NEGR1: variants seen among roughly 807,000 people sequenced by gnomAD.
NEGR1 encodes neuronal growth regulator 1, also known as IgLON family member 4.
NEGR1 carries 10 observed loss-of-function variants against 40.9 expected under a neutral mutation model. The observed-to-expected ratio is 0.24, with a 90% CI of 0.15 to 0.42. The LOEUF (loss-of-function observed/expected upper bound fraction) is 0.42. Ranked by LOEUF, NEGR1 falls within the 10% of genes least tolerant of loss-of-function variation. The pLI, the probability that NEGR1 is intolerant of heterozygous loss-of-function variation, is 1.00. For synonymous variants in NEGR1, 185 were observed against 166.8 expected, an observed-to-expected ratio of 1.11 and a Z score of -0.84; for missense variants, 352 against 438.9, an observed-to-expected ratio of 0.80 and a Z score of 1.77.
At chr1:71,799,428 T>C (rs1657472365) in intron 2 of NEGR1, among the ~76,000 whole-genome samples, 2 of 152,254 alleles carry the variant, frequency 1.3e-5, no homozygotes, top group Admixed American at 1.3e-4. Flanking sequence ...CCACATTTTC[T>C]TTATCCAGTC....
chr1:72,047,796 C>G (rs1475599199), intron 1 of NEGR1, among the ~76,000 whole-genome samples: 1 of 151,372 alleles, frequency 6.6e-6, no homozygotes, highest in East Asian at 1.9e-4. Context: ...TCCTAATAAG[C>G]ATTTGGTTTA....
chr1:71,921,416 A>T (rs999030861), intron 2 of NEGR1, among the ~76,000 whole-genome samples: 1 of 151,920 alleles, frequency 6.6e-6, no homozygotes, highest in Non-Finnish European at 1.5e-5. Flanking sequence ...GTACACTTGG[A>T]TTTTCTTTCA....
chr1:71,991,434 T>G (rs549119234), intron 1 of NEGR1, among the ~76,000 whole-genome samples: 2 of 152,316 alleles, frequency 1.3e-5, no homozygotes, highest in African/African-American at 4.8e-5. Context: ...AAAACACATT[T>G]ACATTTTAAA....
intron 1 of NEGR1, among the ~76,000 whole-genome samples, chr1:72,222,461 C>T (rs1267734116): frequency 3.3e-5 from 5 of 152,122 alleles, no homozygotes; most frequent in African/African-American, 1.2e-4. Context: ...AGATTAAAAA[C>T]AATCAGAGTA....
At chr1:71,700,840 G>A (rs955268327) in intron 3 of NEGR1, among the ~76,000 whole-genome samples, 24 of 152,000 alleles carry the variant, frequency 1.6e-4, no homozygotes, top group African/African-American at 5.8e-4. Context: ...GGAGAGTTCT[G>A]GGAGGGACAA....
intron 2 of NEGR1, among the ~76,000 whole-genome samples, chr1:71,919,597 TAC>T (rs1553121322): frequency 2.0e-5 from 3 of 151,736 alleles, no homozygotes; most frequent in Non-Finnish European, 4.4e-5. Flanking sequence ...ATTTTGCATA[TAC>T]TCTCGTTGAT....
intron 4 of NEGR1, among the ~76,000 whole-genome samples, chr1:71,697,593 C>T (rs2101628445): frequency 6.6e-6 from 1 of 151,906 alleles, no homozygotes; most frequent in South Asian, 2.1e-4. Flanking sequence ...CACACTTCAG[C>T]TCTTTTCTTT....
intron 4 of NEGR1, among the ~76,000 whole-genome samples, chr1:71,677,626 T>C (rs2101606641): frequency 6.6e-6 from 1 of 152,314 alleles, no homozygotes; most frequent in South Asian, 2.1e-4. Flanking sequence ...TTCATTAATT[T>C]AGGCTTTGAC....
intron 1 of NEGR1, among the ~76,000 whole-genome samples, chr1:72,012,099 T>G (rs1305521205): frequency 1.3e-5 from 2 of 152,112 alleles, no homozygotes; most frequent in Non-Finnish European, 2.9e-5. Flanking sequence ...AATAAGTATA[T>G]GAAATTATTG....
At chr1:72,023,851 C>T (rs1646781792) in intron 1 of NEGR1, among the ~76,000 whole-genome samples, 1 of 151,928 alleles carries the variant, frequency 6.6e-6, no homozygotes, top group Non-Finnish European at 1.5e-5. Flanking sequence ...TTATATTCTC[C>T]TATCAAATTA....
chr1:71,538,987 G>A (rs1184561423), intron 6 of NEGR1, among the ~76,000 whole-genome samples: 1 of 151,658 alleles, frequency 6.6e-6, no homozygotes, highest in African/African-American at 2.4e-5. Context: ...GGTTACTTTT[G>A]TTTCCATCAC....
chr1:71,541,937 C>T (rs1434078304), intron 6 of NEGR1, among the ~76,000 whole-genome samples: 5 of 151,684 alleles, frequency 3.3e-5, no homozygotes, highest in African/African-American at 1.2e-4. Context: ...TTCAATGCAC[C>T]TTTGAGTGTA....
At chr1:72,254,428 C>T (rs1013360136) in intron 1 of NEGR1, among the ~76,000 whole-genome samples, 2 of 152,046 alleles carry the variant, frequency 1.3e-5, no homozygotes, top group Admixed American at 1.3e-4. Context: ...TTAGGCCAGG[C>T]GTGGTGGCTC....
At chr1:71,624,698 G>A (rs905367182) in intron 4 of NEGR1, among the ~76,000 whole-genome samples, 1 of 151,700 alleles carries the variant, frequency 6.6e-6, no homozygotes, top group South Asian at 2.1e-4. Flanking sequence ...ATATTGACAT[G>A]TCGTGCTTAC....
At chr1:72,013,905 A>G (rs1014902808) in intron 1 of NEGR1, among the ~76,000 whole-genome samples, 1 of 150,692 alleles carries the variant, frequency 6.6e-6, no homozygotes, top group Non-Finnish European at 1.5e-5. Flanking sequence ...TTACCTAAGA[A>G]ATCATTTAAG....
chr1:72,261,413 G>A (rs989596659), intron 1 of NEGR1, among the ~76,000 whole-genome samples: 1 of 151,778 alleles, frequency 6.6e-6, no homozygotes, highest in African/African-American at 2.4e-5. Context: ...CAGAACACTG[G>A]TTTAAAGAAA....
At chr1:72,056,781 T>C (rs1647114428) in intron 1 of NEGR1, among the ~76,000 whole-genome samples, 1 of 151,542 alleles carries the variant, frequency 6.6e-6, no homozygotes, top group Non-Finnish European at 1.5e-5. Context: ...TAATAGAACA[T>C]GAAAGTTTTG....
intron 6 of NEGR1, among the ~76,000 whole-genome samples, chr1:71,434,814 G>T (rs544930882): frequency 6.6e-6 from 1 of 152,162 alleles, no homozygotes; most frequent in Admixed American, 6.5e-5. Context: ...GGGGGAGGCC[G>T]GGCGCGGTGG....
At chr1:71,779,674 T>A (rs560403087) in intron 2 of NEGR1, among the ~76,000 whole-genome samples, 1 of 152,196 alleles carries the variant, frequency 6.6e-6, no homozygotes, top group Admixed American at 6.5e-5. Flanking sequence ...TTGAAGTGAT[T>A]CTCCTGCCTC....
Sources: allele counts gnomAD v4.1 joint callset (sites outside exome capture counted in the v4.1 genomes callset), GRCh38; gene constraint gnomAD v4.1.1; transcripts MANE v1.5; gene names NCBI Gene and HGNC (gene_info 2026-07-23, HGNC 2026-07-21).